Variants in PIP4K2A observed in about 807,000 individuals in gnomAD.
PIP4K2A encodes the protein phosphatidylinositol-5-phosphate 4-kinase type 2 alpha.
A neutral mutation model predicts 42.9 loss-of-function variants in PIP4K2A; 14 were observed. The ratio of observed to expected loss-of-function variants is 0.33; its 90% CI spans 0.22 to 0.51. The LOEUF (loss-of-function observed/expected upper bound fraction) is 0.51. PIP4K2A is among the 20% of genes least tolerant of loss of function. The pLI, the probability that PIP4K2A is intolerant of heterozygous loss-of-function variation, is 0.97. For synonymous variants in PIP4K2A, 192 were observed against 192.2 expected, an observed-to-expected ratio of 1.00 and a Z score of 0.01; for missense variants, 434 against 519.8, an observed-to-expected ratio of 0.83 and a Z score of 1.61.
chr10:22,687,008 T>C (rs1030234971), intron 1 of PIP4K2A, among the ~76,000 whole-genome samples: 1 of 152,146 alleles, frequency 6.6e-6, no homozygotes, highest in South Asian at 2.1e-4. Flanking sequence ...CACTCGTAAA[T>C]AGCAAATGAG....
intron 1 of PIP4K2A, among the ~76,000 whole-genome samples, chr10:22,638,947 T>C (rs12250665): frequency 6.6e-6 from 1 of 152,184 alleles, no homozygotes; most frequent in South Asian, 2.1e-4. Context: ...AGCACCACCC[T>C]GAGCATGTGG....
Position 22,550,698 on chromosome 10 carries a change from G to A in PIP4K2A, c.753C>T (p.Asn251=). The A allele has an allele frequency of 6.2e-7, 1 of 1,604,186 alleles. No individual in the cohort carries two copies. The highest frequency in any genetic ancestry group is 8.5e-7 in the Non-Finnish European group (1 of 1,170,898). The change falls in exon 7 of 10, where the codon AAC becomes AAT. Residue 251 remains asparagine, a synonymous_variant. Coordinates refer to ENST00000376573, the MANE Select transcript of PIP4K2A (RefSeq NM_005028.5). ...EGQKIYIDDN[N]KKVFLEKLKK... is the part of the protein sequence containing the mutation. ...TTAGTTTTTCCAGGAAGACCTTCTTGTTGTTGTCATCAATATAAATCTTTT... is the reference window on the plus strand; with the variant it reads ...TTAGTTTTTCCAGGAAGACCTTCTTATTGTTGTCATCAATATAAATCTTTT...
chr10:22,588,013 T>C (rs955156021), intron 4 of PIP4K2A, among the ~76,000 whole-genome samples: 7 of 152,182 alleles, frequency 4.6e-5, no homozygotes, highest in African/African-American at 1.7e-4. Context: ...TTTATGAGGT[T>C]TCTGTGGAAT....
intron 4 of PIP4K2A, among the ~76,000 whole-genome samples, chr10:22,590,982 C>T (rs1054458929): frequency 6.6e-6 from 1 of 152,234 alleles, no homozygotes; most frequent in Non-Finnish European, 1.5e-5. Context: ...GTGAAGGAGG[C>T]CTCTCACAGC....
At chr10:22,630,438 T>C (rs1838525506) in intron 1 of PIP4K2A, among the ~76,000 whole-genome samples, 1 of 152,214 alleles carries the variant, frequency 6.6e-6, no homozygotes, top group Non-Finnish European at 1.5e-5. Context: ...ATTCAGAATA[T>C]AAGTAGCTAC....
chr10:22,684,161 C>T (rs180945626), intron 1 of PIP4K2A, among the ~76,000 whole-genome samples: 7 of 152,226 alleles, frequency 4.6e-5, no homozygotes, highest in Admixed American at 2.6e-4. Flanking sequence ...CTGTGGCAAA[C>T]CATCTTTCAG....
chr10:22,627,591 T>TAAAAAAATAAAAA (rs1838469881), intron 1 of PIP4K2A, among the ~76,000 whole-genome samples: 1 of 56,994 alleles, frequency 1.8e-5, no homozygotes, highest in Non-Finnish European at 3.1e-5. Context: ...TAATATGTAA[T>TAAAAAAATAAAAA]AAAAAAAAAA....
intron 4 of PIP4K2A, among the ~76,000 whole-genome samples, chr10:22,585,073 T>G (rs1459071343): frequency 6.6e-6 from 1 of 152,226 alleles, no homozygotes; most frequent in East Asian, 1.9e-4. Flanking sequence ...TAAGAAGCAC[T>G]GACACAATGT....
rs565213023 is a variant in PIP4K2A, at chr10:22,591,203, G to C, written c.492+426C>G. On this transcript the variant is annotated intron_variant, in intron 4 of 9. Coordinates refer to ENST00000376573, the MANE Select transcript of PIP4K2A (RefSeq NM_005028.5). ...TGCTCCGTAGCAGATTGTGAATGGCGTGGGCCCTGCTGGGGCCAGGACAGA... is the reference window on the plus strand; with the variant it reads ...TGCTCCGTAGCAGATTGTGAATGGCCTGGGCCCTGCTGGGGCCAGGACAGA... Among the ~76,000 whole-genome samples, 217 of 152,354 alleles carry C rather than the reference G, an allele frequency of 1.4e-3. 2 individuals carry two copies. The highest frequency in any genetic ancestry group is 2.5e-3 in the Non-Finnish European group (171 of 68,036).
chr10:22,571,186 C>G (rs568901594), intron 5 of PIP4K2A, among the ~76,000 whole-genome samples: 1 of 152,306 alleles, frequency 6.6e-6, no homozygotes, highest in Middle Eastern at 3.4e-3. Flanking sequence ...TGAAACAACA[C>G]TTTTACTTGA....
At chr10:22,708,241 C>A (rs1409115819) in intron 1 of PIP4K2A, among the ~76,000 whole-genome samples, 3 of 152,218 alleles carry the variant, frequency 2.0e-5, no homozygotes, top group Non-Finnish European at 1.5e-5. Context: ...CCGCAATCAA[C>A]CACAAGCACA....
chr10:22,551,247 C>T (rs1394599251), intron 6 of PIP4K2A, among the ~76,000 whole-genome samples: 4 of 152,182 alleles, frequency 2.6e-5, no homozygotes, highest in African/African-American at 4.8e-5. Context: ...CTCAGAACAG[C>T]TCTATCCATA....
chr10:22,579,558 C>A (rs931470788), intron 4 of PIP4K2A, among the ~76,000 whole-genome samples: 6 of 152,170 alleles, frequency 3.9e-5, no homozygotes, highest in Admixed American at 3.9e-4. Context: ...GGGCATAACA[C>A]TGCTTAGACA....
At chr10:22,559,382 T>C (rs12241748) in intron 6 of PIP4K2A, among the ~76,000 whole-genome samples, 86,829 of 151,976 alleles carry the variant, frequency 0.57, 25,783 homozygotes, top group South Asian at 0.77. Context: ...TGAGTTGATT[T>C]CATTCCAGTG....
intron 8 of PIP4K2A, among the ~76,000 whole-genome samples, chr10:22,540,689 G>A (rs571259769): frequency 1.1e-4 from 16 of 152,020 alleles, no homozygotes; most frequent in Non-Finnish European, 2.1e-4. Context: ...CCGAGTAGCC[G>A]GGATTACAGG....
At chr10:22,604,131 GAA>G (rs1320481551) in intron 3 of PIP4K2A, among the ~76,000 whole-genome samples, 2 of 152,100 alleles carry the variant, frequency 1.3e-5, no homozygotes, top group African/African-American at 2.4e-5. Context: ...TAACAACAAG[GAA>G]AAGTCATTTT....
intron 5 of PIP4K2A, among the ~76,000 whole-genome samples, chr10:22,570,915 C>T (rs892218330): frequency 8.6e-5 from 13 of 151,976 alleles, no homozygotes; most frequent in Admixed American, 8.5e-4. Context: ...TGAAGCCACA[C>T]ATCCTGGTTT....
chr10:22,664,138 T>TAC (rs1564460081), intron 1 of PIP4K2A, among the ~76,000 whole-genome samples: 2 of 45,782 alleles, frequency 4.4e-5, no homozygotes, highest in African/African-American at 2.5e-4. Flanking sequence ...TACATATATA[T>TAC]ATACATATAT....
chr10:22,621,187 T>C (rs1371489113), intron 1 of PIP4K2A, among the ~76,000 whole-genome samples: 1 of 152,152 alleles, frequency 6.6e-6, no homozygotes, highest in Non-Finnish European at 1.5e-5. Flanking sequence ...TGGGGGATCT[T>C]GAGGCCAGCC....
Sources: gnomAD v4.1 joint callset for allele counts (sites outside exome capture counted in the v4.1 genomes callset) on GRCh38, gnomAD v4.1.1 for gene constraint, MANE v1.5 for transcripts, NCBI Gene and HGNC (gene_info 2026-07-23, HGNC 2026-07-21) for gene names.